SPINK6: variants seen among roughly 807,000 people sequenced by gnomAD.
SPINK6 encodes serine peptidase inhibitor Kazal type 6.
SPINK6 carries 13 observed loss-of-function variants against 11.7 expected under a neutral mutation model. The ratio of observed to expected loss-of-function variants is 1.11; its 90% CI spans 0.72 to 1.76. SPINK6 has a LOEUF of 1.76. SPINK6 is among the 40% of genes most tolerant of loss of function. The probability of loss-of-function intolerance (pLI) is 0.00; values close to 1 mark genes in which losing one functional copy is unlikely to be tolerated. For synonymous variants in SPINK6, 21 were observed against 31.9 expected (o/e 0.66, Z 1.15); for missense variants, 98 against 93.7 (o/e 1.05, Z -0.19).
rs1052608005 is a variant in SPINK6, at chr5:148,209,778, T to C, written c.81+3720T>C. Among the ~76,000 whole-genome samples, 10 of 151,682 alleles carry C rather than the reference T, an allele frequency of 6.6e-5. No homozygotes were observed. In the East Asian group the frequency reaches 9.8e-4, roughly 15 times the overall value. ...AGAAGGTAACACAAGGGAAAATAAA[T>C]GGCAATGTTTCCATCTGAGGGAGGG... is the stretch of plus-strand genomic sequence containing the variant. On this transcript the variant is annotated intron_variant, in intron 2 of 3. Coordinates refer to ENST00000325630, the MANE Select transcript of SPINK6 (RefSeq NM_205841.4).
intron 1 of SPINK6, among the ~76,000 whole-genome samples, chr5:148,204,294 C>A (rs2113305078): frequency 6.6e-6 from 1 of 151,906 alleles, no homozygotes; most frequent in South Asian, 2.1e-4. Context: ...AGCCAAATAA[C>A]CTTAATGGGT....
chr5:148,212,813 A>G (rs1386912091), intron 2 of SPINK6, among the ~76,000 whole-genome samples: 3 of 138,030 alleles, frequency 2.2e-5, no homozygotes, highest in African/African-American at 8.0e-5. Context: ...ATATAGCAAC[A>G]TAGCAAGACT....
chr5:148,205,936 C>A, intron 1 of SPINK6, 100 bp from the exon 2 acceptor site: 1 of 1,213,044 alleles, frequency 8.2e-7, no homozygotes, highest in Non-Finnish European at 1.2e-6. Flanking sequence ...TTAAGATAGC[C>A]AAGTACCAGG....
chr5:148,215,030 A>G lies in SPINK6; in HGVS notation c.*80A>G, dbSNP rs1000543585. On this transcript the variant is annotated 3_prime_UTR_variant, in exon 4 of 4. Transcript: ENST00000325630. The stretch of plus-strand genomic sequence containing the variant: ...CTTCTGCTTATACTTTTGCTGGTGG[A>G]TTCCTTTAATTCATAAAGACATACC... 8 of 1,367,338 alleles carry G rather than the reference A, an allele frequency of 5.9e-6. No individual in the cohort carries two copies. Among genetic ancestry groups the G allele is most frequent in the African/African-American group, 1.4e-5 (1 of 69,720 alleles). 84.7% of individuals were successfully genotyped at this position (1,367,338 alleles called of 1,614,324 possible). A position where few individuals can be genotyped will look rare whatever the true frequency, so the allele number is the denominator to read the frequency against.
At chr5:148,204,767 A>AT (rs1755476098) in intron 1 of SPINK6, among the ~76,000 whole-genome samples, 1 of 152,266 alleles carries the variant, frequency 6.6e-6, no homozygotes, top group East Asian at 1.9e-4. Context: ...AGAGTACTAA[A>AT]TTGGACTCCG....
Position 148,210,180 on chromosome 5 carries a change from G to A in SPINK6, c.82-3730G>A, listed in dbSNP as rs111163105. 4.2e-3 allele frequency among the ~76,000 whole-genome samples: 86 copies of A among 20,430 alleles called. 3 individuals carry two copies. Among genetic ancestry groups the A allele is most frequent in the East Asian group, 0.021 (24 of 1,122 alleles). The allele number at this position is 20,430 out of a possible 152,430, so 13.4% of individuals were successfully genotyped here. On this transcript the variant is annotated intron_variant, in intron 2 of 3. Transcript: ENST00000325630. ...TCTGCATGCATATGTATTTCTGCAT[G>A]CATATGTATTTCTGCATGCATATGT...
chr5:148,212,661 T>A (rs1405160348), intron 2 of SPINK6, among the ~76,000 whole-genome samples: 1 of 104,600 alleles, frequency 9.6e-6, no homozygotes, highest in African/African-American at 4.4e-5. Flanking sequence ...TATATATTTA[T>A]ATATTTATAT....
chr5:148,207,796 G>A (rs1755520000), intron 2 of SPINK6, among the ~76,000 whole-genome samples: 1 of 152,100 alleles, frequency 6.6e-6, no homozygotes, highest in South Asian at 2.1e-4. Context: ...CCACTGCAGA[G>A]TGTTTTCTAA....
rs1487533199 is a variant in SPINK6, at chr5:148,214,987, T to C, written c.*37T>C. The C allele has an allele frequency of 6.2e-7, 1 of 1,604,086 alleles. No homozygotes were observed. Among genetic ancestry groups the C allele is most frequent in the African/African-American group, 1.3e-5 (1 of 74,722 alleles). On this transcript the variant is annotated 3_prime_UTR_variant, in exon 4 of 4. Coordinates refer to ENST00000325630, the MANE Select transcript of SPINK6 (RefSeq NM_205841.4). ...TGTTTCTTGGTGACTTGCCAGCTTT[T>C]GCAGCCTTCTTTTCTCACTTCTGCT...
intron 2 of SPINK6, among the ~76,000 whole-genome samples, chr5:148,209,243 C>T (rs1335103706): frequency 6.6e-6 from 1 of 151,986 alleles, no homozygotes; most frequent in East Asian, 1.9e-4. Context: ...AAACTAAAGC[C>T]TCAGAAACGA....
intron 2 of SPINK6, among the ~76,000 whole-genome samples, chr5:148,207,627 T>A (rs1251070732): frequency 6.6e-6 from 1 of 152,030 alleles, no homozygotes; most frequent in Non-Finnish European, 1.5e-5. Flanking sequence ...GGCCAGGAGT[T>A]AGAGACCAGC....
intron 2 of SPINK6, among the ~76,000 whole-genome samples, chr5:148,207,296 A>C (rs995165550): frequency 1.3e-5 from 2 of 152,164 alleles, no homozygotes; most frequent in Admixed American, 6.5e-5. Flanking sequence ...ATTTAATCCT[A>C]GTTTTCTCAT....
At position 148,212,296 on chromosome 5, in the gene SPINK6, G is replaced by A. The variant is rs76997253; in HGVS notation, c.82-1614G>A. On this transcript the variant is annotated intron_variant, in intron 2 of 3. Coordinates refer to ENST00000325630, the MANE Select transcript of SPINK6 (RefSeq NM_205841.4). ...GCAACTTAGGCAGCCATTACTAAATGATTGTAGTAAGCACAAAAGTTCAAA... is the reference window on the plus strand; with the variant it reads ...GCAACTTAGGCAGCCATTACTAAATAATTGTAGTAAGCACAAAAGTTCAAA... Among the ~76,000 whole-genome samples, 963 of 150,974 alleles carry A rather than the reference G, an allele frequency of 6.4e-3. 39 individuals are homozygous for A. The East Asian group carries it at 0.12, about 18-fold the overall frequency.
At chr5:148,210,560 G>A (rs1755584625) in intron 2 of SPINK6, among the ~76,000 whole-genome samples, 1 of 151,304 alleles carries the variant, frequency 6.6e-6, no homozygotes, top group Non-Finnish European at 1.5e-5. Flanking sequence ...AAATATTCTG[G>A]GATTTTTCAG....
chr5:148,212,634 TATATATA>T lies in SPINK6; in HGVS notation c.82-1270_82-1264del, dbSNP rs1481504509. ...TATATTTATATTATATATTATATAT[TATATATA>T]ATATAAATATATATATTTATATATT... On this transcript the variant is annotated intron_variant, in intron 2 of 3. Coordinates refer to ENST00000325630, the MANE Select transcript of SPINK6 (RefSeq NM_205841.4). Among the ~76,000 whole-genome samples the T allele has an allele frequency of 8.9e-3, 950 of 107,072 alleles. 10 individuals are homozygous for T. The highest frequency in any genetic ancestry group is 0.011 in the Non-Finnish European group (669 of 58,668). 70.2% of individuals were successfully genotyped at this position (107,072 alleles called of 152,430 possible).
chr5:148,212,584 A>AAATATATTT (rs1464240867), intron 2 of SPINK6, among the ~76,000 whole-genome samples: 3 of 101,796 alleles, frequency 2.9e-5, no homozygotes, highest in African/African-American at 8.4e-5. Flanking sequence ...ATATTATATA[A>AAATATATTT]ATATATTTTA....
chr5:148,212,683 T>C (rs1200409342), intron 2 of SPINK6, among the ~76,000 whole-genome samples: 2 of 114,520 alleles, frequency 1.7e-5, no homozygotes, highest in African/African-American at 7.0e-5. Context: ...ATATATATTT[T>C]ATATAAACTA....
intron 2 of SPINK6, among the ~76,000 whole-genome samples, chr5:148,210,054 GTATGTA>G (rs1338207120): frequency 1.0e-5 from 1 of 97,236 alleles, no homozygotes; most frequent in African/African-American, 3.1e-5. Context: ...ATGCATATAT[GTATGTA>G]TATGTATGTA....
chr5:148,212,797 TTA>T (rs1190893549), intron 2 of SPINK6, among the ~76,000 whole-genome samples: 20 of 131,490 alleles, frequency 1.5e-4, no homozygotes, highest in African/African-American at 5.4e-4. Flanking sequence ...ATTATATATT[TTA>T]TATATATAGC....
Sources: allele counts gnomAD v4.1 joint callset (sites outside exome capture counted in the v4.1 genomes callset), GRCh38; gene constraint gnomAD v4.1.1; transcripts MANE v1.5; gene names NCBI Gene and HGNC (gene_info 2026-07-23, HGNC 2026-07-21).